Variants in PPEF1 observed in about 807,000 individuals in gnomAD.
The protein encoded by PPEF1 is serine/threonine-protein phosphatase with EF-hands 1.
PPEF1 carries 12 observed loss-of-function variants against 53.3 expected under a neutral mutation model. The observed-to-expected ratio is 0.23, with a 90% confidence interval of 0.14 to 0.36. The LOEUF is 0.36. Among genes scored for constraint, PPEF1 ranks in the 10% least tolerant of loss-of-function variants. PPEF1 has a pLI of 1.00. For synonymous variants in PPEF1, 165 were observed against 176.7 expected, an observed-to-expected ratio of 0.93 and a Z score of 0.52; for missense variants, 334 against 490.4, an observed-to-expected ratio of 0.68 and a Z score of 3.01.
At chrX:18,784,077 T>A in intron 9 of PPEF1, 29 bp downstream of exon 9, 1 of 1,149,492 alleles carries the variant, frequency 8.7e-7, no homozygotes. Flanking sequence ...ATGAATCTTC[T>A]CTCAGGGATT....
chrX:18,703,217 T>A (rs143864440), upstream of PPEF1, among the ~76,000 whole-genome samples: 1,919 of 111,437 alleles, frequency 0.017, 50 homozygotes, highest in African/African-American at 0.059. Context: ...AACCAGCTCA[T>A]ATTTTGGTGA....
chrX:18,700,746 T>C (rs1471369076), intron 6 of PPEF1, among the ~76,000 whole-genome samples: 1 of 111,839 alleles, frequency 8.9e-6, no homozygotes, highest in Non-Finnish European at 1.9e-5. Context: ...GAGAAACCCT[T>C]CTAGGTCCCC....
rs2046610521 is a variant in PPEF1 at position 18,804,226 on chromosome X, T to C, written c.1251+149T>C. 1.0e-5 allele frequency: 5 copies of C among 481,941 alleles called. No individual in the cohort carries two copies. In the Admixed American group the frequency reaches 1.9e-4, roughly 18 times the overall value. 39.7% of individuals were successfully genotyped at this position (481,941 alleles called of 1,213,427 possible). A position where few individuals can be genotyped will look rare whatever the true frequency, so the allele number is the denominator to read the frequency against. ...CCAGAGAAGGCGAGCTTCATCTAGGTTGTTTGAAGGGGCCTCACTGTCCCT... is the reference window on the plus strand; with the variant it reads ...CCAGAGAAGGCGAGCTTCATCTAGGCTGTTTGAAGGGGCCTCACTGTCCCT... On this transcript the variant is annotated intron_variant, in intron 11 of 15. Coordinates refer to ENST00000470157, the MANE Select transcript of PPEF1 (RefSeq NM_001377996.1).
chrX:18,812,832 G>T (rs2046835372), intron 12 of PPEF1, among the ~76,000 whole-genome samples: 1 of 110,368 alleles, frequency 9.1e-6, no homozygotes, highest in Non-Finnish European at 1.9e-5. Context: ...GCAGTGATGT[G>T]ATCATAGCTC....
chrX:18,803,959 G>C lies in PPEF1; in HGVS notation c.1133G>C (p.Gly378Ala). ...NGCFPNTCRG[G>A]GCYFGPDVTS... The stretch of plus-strand genomic sequence containing the variant: ...TGTTTTCCAAATACGTGCCGAGGAG[G>C]GGGCTGCTATTTTGGACCAGATGTT... The change falls in exon 11 of 16, where the codon GGG (glycine) becomes GCG (alanine). Residue 378 changes from glycine (G) to alanine (A), a missense_variant. By Grantham distance (60) the Gly-to-Ala change is moderately conservative (BLOSUM62 0). Coordinates refer to ENST00000470157, the MANE Select transcript of PPEF1 (RefSeq NM_001377996.1). 8.3e-7 allele frequency: 1 copy of C among 1,208,459 alleles called. No homozygotes were observed. The highest frequency in any genetic ancestry group is 1.1e-6 in the Non-Finnish European group (1 of 892,892).
At chrX:18,719,456 C>G (rs1218630275) in intron 1 of PPEF1, among the ~76,000 whole-genome samples, 1 of 109,425 alleles carries the variant, frequency 9.1e-6, no homozygotes, top group African/African-American at 3.3e-5. Flanking sequence ...AAGTGATCCT[C>G]CCACCTCAAC....
At chrX:18,777,718 G>A (rs958845939) in intron 6 of PPEF1, among the ~76,000 whole-genome samples, 1 of 106,575 alleles carries the variant, frequency 9.4e-6, no homozygotes, top group African/African-American at 3.4e-5. Context: ...TGGAGACGGG[G>A]TTTCACCGTG....
chrX:18,696,588 G>C (rs770919191), intron 4 of PPEF1, among the ~76,000 whole-genome samples: 1 of 112,088 alleles, frequency 8.9e-6, no homozygotes, highest in Admixed American at 9.5e-5. Context: ...AAATAGAAAA[G>C]TTAACAAGAA....
intron 11 of PPEF1, among the ~76,000 whole-genome samples, chrX:18,806,072 T>C (rs1270167091): frequency 9.0e-6 from 1 of 110,535 alleles, no homozygotes; most frequent in East Asian, 2.8e-4. Flanking sequence ...GGCAAGAAAA[T>C]AGGGGATTTA....
At chrX:18,746,747 T>C in intron 3 of PPEF1, among the ~76,000 whole-genome samples, 1 of 111,674 alleles carries the variant, frequency 9.0e-6, no homozygotes, top group Non-Finnish European at 1.9e-5. Context: ...TAAATAATAC[T>C]GTAGGTATCG....
At chrX:18,786,987 C>G (rs2046218560) in intron 9 of PPEF1, among the ~76,000 whole-genome samples, 1 of 110,860 alleles carries the variant, frequency 9.0e-6, no homozygotes, top group African/African-American at 3.3e-5. Context: ...GATAACTGTT[C>G]TACCTGCTCT....
At chrX:18,805,469 A>G (rs759813992) in intron 11 of PPEF1, among the ~76,000 whole-genome samples, 4 of 112,023 alleles carry the variant, frequency 3.6e-5, no homozygotes, top group African/African-American at 1.3e-4. Flanking sequence ...GAAAATAGAT[A>G]GAAAACATCA....
chrX:18,820,069 A>T (rs2047002044), intron 13 of PPEF1, among the ~76,000 whole-genome samples: 1 of 112,102 alleles, frequency 8.9e-6, no homozygotes, highest in East Asian at 2.8e-4. Context: ...ATTGGAAATT[A>T]AATTTAGAAA....
At chrX:18,732,926 G>A (rs1169590354) in intron 2 of PPEF1, among the ~76,000 whole-genome samples, 4 of 111,736 alleles carry the variant, frequency 3.6e-5, no homozygotes, top group African/African-American at 1.3e-4. Context: ...GATCATGACC[G>A]GGTGCAGTGG....
At chrX:18,805,574 G>T in intron 11 of PPEF1, among the ~76,000 whole-genome samples, 1 of 110,961 alleles carries the variant, frequency 9.0e-6, no homozygotes, top group Non-Finnish European at 1.9e-5. Flanking sequence ...GCTGGGCACG[G>T]TGGCTCATGC....
chrX:18,821,910 G>C (rs1230426151), intron 13 of PPEF1, among the ~76,000 whole-genome samples: 4 of 111,644 alleles, frequency 3.6e-5, no homozygotes, highest in Non-Finnish European at 7.5e-5. Context: ...CCAATCAAGA[G>C]ATGAGATCAA....
At chrX:18,763,008 A>G (rs2147513336) in intron 6 of PPEF1, among the ~76,000 whole-genome samples, 1 of 111,604 alleles carries the variant, frequency 9.0e-6, no homozygotes, top group East Asian at 2.8e-4. Flanking sequence ...GGAAATTATC[A>G]CCAGACCAAC....
chrX:18,688,027 G>GAGTT (rs1486220175), intron 3 of PPEF1, among the ~76,000 whole-genome samples: 1 of 111,791 alleles, frequency 8.9e-6, no homozygotes, highest in Admixed American at 9.5e-5. Context: ...AGGTTTAGAG[G>GAGTT]AGTTATGTAA....
At chrX:18,802,939 C>A (rs929316325) in intron 10 of PPEF1, among the ~76,000 whole-genome samples, 1 of 111,491 alleles carries the variant, frequency 9.0e-6, no homozygotes, top group African/African-American at 3.3e-5. Context: ...AAACAATATT[C>A]TTTTTTCTTT....
Sources: allele counts gnomAD v4.1 joint callset (sites outside exome capture counted in the v4.1 genomes callset), GRCh38; gene constraint gnomAD v4.1.1; transcripts MANE v1.5; gene names NCBI Gene and HGNC (gene_info 2026-07-23, HGNC 2026-07-21).